The following ZNF670 variants were observed in gnomAD, a reference collection of about 807,000 sequenced individuals.
ZNF670 encodes the protein zinc finger protein 670.
Under a neutral mutation model 10.9 loss-of-function variants are expected in ZNF670, and 7 were observed. That is an observed-to-expected ratio of 0.64 (90% CI 0.36 to 1.20). ZNF670 has a LOEUF of 1.20. Ranked by LOEUF, ZNF670 falls within the 50% of genes most tolerant of loss-of-function variation. The probability of loss-of-function intolerance (pLI) is 0.02; values close to 1 mark genes in which losing one functional copy is unlikely to be tolerated. For missense variants in ZNF670, 446 were observed against 458.6 expected, an observed-to-expected ratio of 0.97 and a Z score of 0.25; for synonymous variants, 136 against 152.7, an observed-to-expected ratio of 0.89 and a Z score of 0.81.
rs145426362 is a variant in ZNF670 at position 247,064,527 on chromosome 1, T to C, written c.3+14067A>G. Among the ~76,000 whole-genome samples, 4 of 152,334 alleles carry C rather than the reference T, an allele frequency of 2.6e-5. No homozygotes were observed. The East Asian group carries it at 7.7e-4, about 29-fold the overall frequency. Reference sequence around the variant, plus strand: ...GCATTTGCATTGAAGCAGAACTTCGTACTGCCTTTAAAGAGTTCCACTGTT... The same window carrying C: ...GCATTTGCATTGAAGCAGAACTTCGCACTGCCTTTAAAGAGTTCCACTGTT... On this transcript the variant is annotated intron_variant, in intron 1 of 3. Transcript: ENST00000366503.
At chr1:247,078,473 C>T in intron 1 of ZNF670, 121 bp downstream of exon 1, 1 of 1,334,966 alleles carries the variant, frequency 7.5e-7, no homozygotes, top group South Asian at 1.3e-5. Context: ...TCCTGTGCCA[C>T]TAAGGCCGCG....
rs1044371353 is a variant in ZNF670 at position 247,038,377 on chromosome 1, C to T, written c.242G>A (p.Gly81Glu). 1.5e-5 allele frequency: 24 copies of T among 1,613,572 alleles called. No homozygotes were observed. The highest frequency in any genetic ancestry group is 2.0e-5 in the Non-Finnish European group (24 of 1,179,920). The change falls in exon 4 of 4, where the codon GGA becomes GAA. Residue 81 changes from glycine (G) to glutamate (E), a missense_variant. Physicochemically the swap from Gly to Glu is moderately conservative, Grantham distance 98. Transcript: ENST00000366503. ...LFEIKEGSQY[G>E]ETFSQDSNLN... ...ATTTGAATCCTGGCTGAAGGTTTCT[C>T]CATATTGACTGCCTTCTTTAATTTC...
rs74163726 is a variant in ZNF670 at position 247,072,804 on chromosome 1, GTATATATATATATATATATA to G, written c.3+5770_3+5789del. ...CTCTGTCTCAAAAAAAAAAGTGTGT[GTATATATATATATATATATA>G]TATATATATATATATGCATACACAC... On this transcript the variant is annotated intron_variant, in intron 1 of 3. Transcript: ENST00000366503. 3.6e-4 allele frequency among the ~76,000 whole-genome samples: 17 copies of G among 47,652 alleles called. 1 individual carries two copies. Among genetic ancestry groups the G allele is most frequent in the South Asian group, 9.9e-4 (1 of 1,012 alleles). The allele number at this position is 47,652 out of a possible 152,430, so 31.3% of individuals were successfully genotyped here.
intron 1 of ZNF670, among the ~76,000 whole-genome samples, chr1:247,069,889 G>A (rs755852269): frequency 4.6e-5 from 7 of 152,180 alleles, no homozygotes; most frequent in South Asian, 4.1e-4. Context: ...TGGTTAATGC[G>A]TATTTAAAAA....
chr1:247,042,306 T>C (rs768916436), intron 1 of ZNF670, among the ~76,000 whole-genome samples: 1 of 152,178 alleles, frequency 6.6e-6, no homozygotes, highest in African/African-American at 2.4e-5. Context: ...TAGCAAGTCA[T>C]TGCGAGAGAA....
intron 1 of ZNF670, among the ~76,000 whole-genome samples, chr1:247,050,601 G>A (rs746299179): frequency 2.6e-5 from 4 of 151,708 alleles, no homozygotes; most frequent in Non-Finnish European, 4.4e-5. Context: ...TCAGCCACCC[G>A]AATAGCTGGG....
At chr1:247,051,613 A>G (rs1469352788) in intron 1 of ZNF670, among the ~76,000 whole-genome samples, 2 of 152,062 alleles carry the variant, frequency 1.3e-5, no homozygotes, top group African/African-American at 2.4e-5. Context: ...TTTGTGATAC[A>G]TTTTCCAGGT....
At chr1:247,069,996 T>C (rs1671078481) in intron 1 of ZNF670, among the ~76,000 whole-genome samples, 1 of 152,168 alleles carries the variant, frequency 6.6e-6, no homozygotes, top group South Asian at 2.1e-4. Context: ...CTAAGTATAA[T>C]TGGATTATTT....
chr1:247,034,892 C>T lies in ZNF670; in HGVS notation c.*2557G>A, dbSNP rs1370543053. Reference sequence around the variant, plus strand: ...CAGTGGTGAAGGTGCTGGGTCACTGCCTCAATGTGGGGTACCTTGGAAACT... The same window carrying T: ...CAGTGGTGAAGGTGCTGGGTCACTGTCTCAATGTGGGGTACCTTGGAAACT... On this transcript the variant is annotated 3_prime_UTR_variant, in exon 4 of 4. Transcript: ENST00000366503. Among the ~76,000 whole-genome samples, 2 of 152,162 alleles carry T rather than the reference C, an allele frequency of 1.3e-5. No individual in the cohort carries two copies. Among genetic ancestry groups the T allele is most frequent in the Non-Finnish European group, 2.9e-5 (2 of 68,028 alleles).
chr1:247,069,927 G>A (rs1671076659), intron 1 of ZNF670, among the ~76,000 whole-genome samples: 1 of 152,172 alleles, frequency 6.6e-6, no homozygotes, highest in African/African-American at 2.4e-5. Context: ...GACCTAGCAT[G>A]TGACAGCACA....
At chr1:247,038,483 C>T in intron 3 of ZNF670, 56 bp from the exon 4 acceptor site, 2 of 1,499,364 alleles carry the variant, frequency 1.3e-6, no homozygotes, top group South Asian at 2.7e-5. Context: ...TACATTGCTA[C>T]TAATACCATG....
chr1:247,077,808 G>A (rs1379188688), intron 1 of ZNF670, among the ~76,000 whole-genome samples: 2 of 152,204 alleles, frequency 1.3e-5, no homozygotes, highest in Admixed American at 1.3e-4. Context: ...GGAGTGTTAT[G>A]TGAAAATAAT....
chr1:247,059,347 G>A (rs1228612895), intron 1 of ZNF670, among the ~76,000 whole-genome samples: 5 of 152,122 alleles, frequency 3.3e-5, no homozygotes, highest in Admixed American at 2.0e-4. Flanking sequence ...TCAGGAGGCT[G>A]AGGCAGGAGA....
chr1:247,062,128 C>G (rs534613631), intron 1 of ZNF670, among the ~76,000 whole-genome samples: 1 of 152,282 alleles, frequency 6.6e-6, no homozygotes, highest in African/African-American at 2.4e-5. Flanking sequence ...CACAAATTCT[C>G]CAACATGCGA....
At chr1:247,050,672 C>T (rs1289468938) in intron 1 of ZNF670, among the ~76,000 whole-genome samples, 1 of 152,020 alleles carries the variant, frequency 6.6e-6, no homozygotes, top group Admixed American at 6.6e-5. Flanking sequence ...GATGAGGTTT[C>T]ACCATATTGG....
intron 1 of ZNF670, chr1:247,043,878 A>G: frequency 3.1e-6 from 1 of 326,182 alleles, no homozygotes; most frequent in Non-Finnish European, 5.9e-6. Context: ...AAAAAAGGAG[A>G]ATTAAACTGA....
At chr1:247,038,541 A>T in intron 3 of ZNF670, 114 bp from the exon 4 acceptor site, 1 of 1,124,386 alleles carries the variant, frequency 8.9e-7, no homozygotes, top group Non-Finnish European at 1.2e-6. Context: ...AAGTAAATAA[A>T]TTAATTACTG....
chr1:247,040,739 C>G (rs1239491136), intron 1 of ZNF670, among the ~76,000 whole-genome samples: 3 of 152,048 alleles, frequency 2.0e-5, no homozygotes, highest in Non-Finnish European at 2.9e-5. Context: ...GTTGCCCGGG[C>G]TGGAGTGCAA....
intron 1 of ZNF670, among the ~76,000 whole-genome samples, chr1:247,072,522 C>A (rs1050460797): frequency 1.3e-5 from 2 of 151,502 alleles, no homozygotes; most frequent in African/African-American, 4.8e-5. Flanking sequence ...CAGTGGCTCA[C>A]GCCTGTAATG....
Sources: allele counts gnomAD v4.1 joint callset (sites outside exome capture counted in the v4.1 genomes callset), GRCh38; gene constraint gnomAD v4.1.1; transcripts MANE v1.5; gene names NCBI Gene and HGNC (gene_info 2026-07-23, HGNC 2026-07-21).